Variants in GOLM1 observed in about 807,000 individuals in gnomAD.
GOLM1 encodes golgi membrane protein 1, also known as epididymis luminal protein 46.
A neutral mutation model predicts 50.5 loss-of-function variants in GOLM1; 31 were observed. The observed-to-expected ratio is 0.61, with a 90% CI of 0.46 to 0.83. GOLM1 has a LOEUF of 0.83. Among genes scored for constraint, GOLM1 ranks in the 40% least tolerant of loss-of-function variants. The pLI is 0.00. For synonymous variants in GOLM1, 178 were observed against 192.8 expected (o/e 0.92, Z 0.64); for missense variants, 491 against 501.3 (o/e 0.98, Z 0.20).
At chr9:86,076,421 CAAAAAAAAAAAAAAAAAA>C (rs58193076) in intron 3 of GOLM1, among the ~76,000 whole-genome samples, 6 of 23,324 alleles carry the variant, frequency 2.6e-4, no homozygotes, top group East Asian at 1.1e-3. Flanking sequence ...AACCCCATCT[CAAAAAAAAAAAAAAAAAA>C]AAAAAAAAAA....
intron 3 of GOLM1, among the ~76,000 whole-genome samples, chr9:86,056,146 C>A (rs1247443635): frequency 6.6e-6 from 1 of 151,894 alleles, no homozygotes; most frequent in African/African-American, 2.4e-5. Flanking sequence ...CCTCCCGACC[C>A]AAATCACATT....
intron 9 of GOLM1, among the ~76,000 whole-genome samples, chr9:86,028,240 T>C (rs1450163904): frequency 1.3e-5 from 2 of 152,152 alleles, no homozygotes; most frequent in Non-Finnish European, 2.9e-5. Flanking sequence ...TCTGTGCCTA[T>C]AAAAACCCTG....
chr9:86,061,760 T>C (rs1309767097), intron 3 of GOLM1, among the ~76,000 whole-genome samples: 1 of 151,902 alleles, frequency 6.6e-6, no homozygotes, highest in Non-Finnish European at 1.5e-5. Flanking sequence ...TGGGTCAGAG[T>C]GTGAATGAGT....
chr9:86,028,382 C>T (rs1175955484), intron 9 of GOLM1, among the ~76,000 whole-genome samples: 1 of 152,196 alleles, frequency 6.6e-6, no homozygotes, highest in African/African-American at 2.4e-5. Context: ...CGGCCAAGGA[C>T]AGTAGGAGAT....
intron 3 of GOLM1, among the ~76,000 whole-genome samples, chr9:86,061,837 A>C (rs757016791): frequency 1.3e-5 from 2 of 152,156 alleles, no homozygotes; most frequent in Non-Finnish European, 2.9e-5. Flanking sequence ...CTAAAGGTTT[A>C]GGGGATAGAG....
intron 3 of GOLM1, among the ~76,000 whole-genome samples, chr9:86,063,458 ACC>A: frequency 6.6e-6 from 1 of 152,292 alleles, no homozygotes; most frequent in East Asian, 1.9e-4. Flanking sequence ...GCGTACACAG[ACC>A]TTTGGGGATG....
intron 1 of GOLM1, among the ~76,000 whole-genome samples, chr9:86,088,470 G>A (rs1235081389): frequency 8.1e-5 from 9 of 110,608 alleles, no homozygotes; most frequent in Non-Finnish European, 1.4e-4. Context: ...AGGATAGATA[G>A]GTCTTCTTGT....
chr9:86,074,565 C>T (rs942959981), intron 3 of GOLM1, among the ~76,000 whole-genome samples: 3 of 152,180 alleles, frequency 2.0e-5, no homozygotes, highest in African/African-American at 4.8e-5. Flanking sequence ...TGAAGGAAGG[C>T]GGCGGCCAGT....
intron 2 of GOLM1, among the ~76,000 whole-genome samples, chr9:86,078,639 A>G (rs1834692662): frequency 6.6e-6 from 1 of 152,224 alleles, no homozygotes; most frequent in Non-Finnish European, 1.5e-5. Context: ...AAGACGGCTC[A>G]GAAGGGCCCG....
chr9:86,078,008 C>A (rs1423827161), intron 2 of GOLM1: 1 of 168,502 alleles, frequency 5.9e-6, no homozygotes, highest in Admixed American at 5.7e-5. Context: ...AAGCAGACCT[C>A]ATCTGCCCAG....
intron 8 of GOLM1, among the ~76,000 whole-genome samples, chr9:86,034,742 A>C (rs1373318565): frequency 6.6e-6 from 1 of 152,232 alleles, no homozygotes; most frequent in African/African-American, 2.4e-5. Flanking sequence ...GGTCCACCCC[A>C]GAGCGCAGGT....
chr9:86,066,772 G>A (rs1018796984), intron 3 of GOLM1, among the ~76,000 whole-genome samples: 3 of 152,082 alleles, frequency 2.0e-5, no homozygotes, highest in East Asian at 1.9e-4. Flanking sequence ...TTCCCTTCAC[G>A]AAGTGCTAGT....
chr9:86,040,030 T>C (rs1049538217), intron 6 of GOLM1, among the ~76,000 whole-genome samples: 11 of 149,432 alleles, frequency 7.4e-5, no homozygotes, highest in African/African-American at 2.7e-4. Context: ...TGACAGGAAA[T>C]TGTCCAGATT....
At chr9:86,068,134 G>A (rs1047774589) in intron 3 of GOLM1, among the ~76,000 whole-genome samples, 1 of 152,210 alleles carries the variant, frequency 6.6e-6, no homozygotes, top group Non-Finnish European at 1.5e-5. Flanking sequence ...AAGAGGAGGA[G>A]AAGAGGCGAA....
At chr9:86,059,778 T>C (rs1834100029) in intron 3 of GOLM1, among the ~76,000 whole-genome samples, 1 of 151,514 alleles carries the variant, frequency 6.6e-6, no homozygotes. Context: ...GTAATCCCTG[T>C]AATCCCAGCT....
rs185784997 is a variant in GOLM1, at chr9:86,051,037, G to T, written c.364+1500C>A. On this transcript the variant is annotated intron_variant, in intron 4 of 9. Coordinates refer to ENST00000388712, the MANE Select transcript of GOLM1 (RefSeq NM_016548.4). ...TTTCCCTCTATGCACTGCCTTAAAC[G>T]TGTCCCAGAGATTCTGGTATGTTGT... is the stretch of plus-strand genomic sequence containing the variant. Among the ~76,000 whole-genome samples, 603 of 152,262 alleles carry T rather than the reference G, an allele frequency of 4.0e-3. 6 individuals carry two copies. Among genetic ancestry groups the T allele is most frequent in the African/African-American group, 0.014 (570 of 41,540 alleles).
chr9:86,031,785 C>T (rs1401530711), intron 9 of GOLM1, among the ~76,000 whole-genome samples: 1 of 151,724 alleles, frequency 6.6e-6, no homozygotes, highest in Non-Finnish European at 1.5e-5. Flanking sequence ...TAAGAACATT[C>T]CAATTAACAA....
In GOLM1 at chr9:86,026,439, T is replaced by C; in HGVS notation, c.*1378A>G. 1 of 984,520 alleles carries C rather than the reference T, an allele frequency of 1.0e-6. No individual in the cohort carries two copies. The highest frequency in any genetic ancestry group is 1.2e-6 in the Non-Finnish European group (1 of 829,124). The allele number at this position is 984,520 out of a possible 1,614,324, so 61.0% of individuals were successfully genotyped here. ...AACAGGGCCTGCTTCAGTGACTGTG[T>C]GCCTGTAGTCCCAGCTACTCGGGAG... On this transcript the variant is annotated 3_prime_UTR_variant, in exon 10 of 10. Transcript: ENST00000388712.
chr9:86,027,576 C>G lies in GOLM1; in HGVS notation c.*241G>C. 1 of 1,287,434 alleles carries G rather than the reference C, an allele frequency of 7.8e-7. No individual in the cohort carries two copies. The highest frequency in any genetic ancestry group is 9.8e-7 in the Non-Finnish European group (1 of 1,018,732). The allele number at this position is 1,287,434 out of a possible 1,614,324, so 79.8% of individuals were successfully genotyped here. ...TCCAGTTTTGGTGTTGAACTTCTCA[C>G]GAAATACCTACTACCAAAAATTGTG... On this transcript the variant is annotated 3_prime_UTR_variant, in exon 10 of 10. Transcript: ENST00000388712.
Sources: gnomAD v4.1 joint callset for allele counts (sites outside exome capture counted in the v4.1 genomes callset) on GRCh38, gnomAD v4.1.1 for gene constraint, MANE v1.5 for transcripts, NCBI Gene and HGNC (gene_info 2026-07-23, HGNC 2026-07-21) for gene names.